LIN7A: variants seen among roughly 807,000 people sequenced by gnomAD.
LIN7A encodes the protein lin-7 cell polarity scaffold A.
Under a neutral mutation model 29.8 loss-of-function variants are expected in LIN7A, and 25 were observed. The ratio of observed to expected loss-of-function variants is 0.84; its 90% CI spans 0.61 to 1.17. The LOEUF (loss-of-function observed/expected upper bound fraction) is 1.17, where lower values mean the gene tolerates loss of function less well. LIN7A is among the 50% of genes most tolerant of loss of function. The pLI, the probability that LIN7A is intolerant of heterozygous loss-of-function variation, is 0.00. For synonymous variants in LIN7A, 118 were observed against 107.5 expected, an observed-to-expected ratio of 1.10 and a Z score of -0.60; for missense variants, 239 against 287.0, an observed-to-expected ratio of 0.83 and a Z score of 1.21.
At chr12:80,914,834 A>G (rs1446461754) in intron 1 of LIN7A, among the ~76,000 whole-genome samples, 1 of 152,154 alleles carries the variant, frequency 6.6e-6, no homozygotes, top group East Asian at 1.9e-4. Context: ...TGAGCCTAGA[A>G]GCTTAAGACC....
intron 1 of LIN7A, among the ~76,000 whole-genome samples, chr12:80,916,761 T>G (rs1421231836): frequency 6.6e-6 from 1 of 152,146 alleles, no homozygotes; most frequent in African/African-American, 2.4e-5. Flanking sequence ...AAAGATTTCA[T>G]GAGGATTTAG....
intron 1 of LIN7A, among the ~76,000 whole-genome samples, chr12:80,902,920 G>T (rs745553831): frequency 8.6e-5 from 13 of 151,630 alleles, no homozygotes; most frequent in Non-Finnish European, 1.3e-4. Flanking sequence ...AGTAAGAGTG[G>T]GTGGTGTTAT....
At chr12:80,888,133 CGTT>C (rs1327525728) in intron 2 of LIN7A, among the ~76,000 whole-genome samples, 1 of 151,996 alleles carries the variant, frequency 6.6e-6, no homozygotes, top group East Asian at 1.9e-4. Flanking sequence ...AACTTAGAGA[CGTT>C]ATTATGGTTA....
In LIN7A at chr12:80,807,082, T is replaced by TTTTTTTTTGTTTTTG. The variant is rs1555221397; in HGVS notation, c.*4382_*4383insCAAAAACAAAAAAAA. ...GATGGAGTTTTTTTTTTTTTTTTTT[T>TTTTTTTTTGTTTTTG]TTTTTTTTTGACGGAGTCTCGCTCT... On this transcript the variant is annotated intron_variant, in intron 5 of 5. Transcript: ENST00000552864. Among the ~76,000 whole-genome samples, 4 of 134,634 alleles carry TTTTTTTTTGTTTTTG rather than the reference T, an allele frequency of 3.0e-5. No individual in the cohort carries two copies. In the South Asian group the frequency reaches 7.1e-4, roughly 24 times the overall value. 88.3% of individuals were successfully genotyped at this position (134,634 alleles called of 152,430 possible).
At chr12:80,827,767 T>A (rs748807535) in intron 4 of LIN7A, among the ~76,000 whole-genome samples, 4 of 152,112 alleles carry the variant, frequency 2.6e-5, no homozygotes, top group Non-Finnish European at 5.9e-5. Context: ...TCCCAAACAG[T>A]ACTTATTCTC....
intron 1 of LIN7A, among the ~76,000 whole-genome samples, chr12:80,918,565 C>A (rs967488290): frequency 6.6e-6 from 1 of 152,112 alleles, no homozygotes; most frequent in East Asian, 1.9e-4. Context: ...CACACCTCTC[C>A]ATTCCAGCTT....
At chr12:80,893,520 C>CT (rs1875733925) in intron 1 of LIN7A, among the ~76,000 whole-genome samples, 1 of 152,144 alleles carries the variant, frequency 6.6e-6, no homozygotes, top group Non-Finnish European at 1.5e-5. Context: ...CTGAGCCAAC[C>CT]CTTTTCTATT....
chr12:80,796,696 G>T lies in LIN7A; in HGVS notation c.*1031C>A, dbSNP rs570390297. The T allele has an allele frequency of 1.6e-4, 25 of 152,096 alleles. 1 individual carries two copies. In the East Asian group the frequency reaches 4.8e-3, roughly 29 times the overall value. The allele number at this position is 152,096 out of a possible 1,614,324, so 9.4% of individuals were successfully genotyped here. A position where few individuals can be genotyped will look rare whatever the true frequency, so the allele number is the denominator to read the frequency against. The stretch of plus-strand genomic sequence containing the variant: ...TAAACTTTGTGTGACACAAATATTT[G>T]AATATATATGCACATATAATTTAGT... On this transcript the variant is annotated 3_prime_UTR_variant, in exon 6 of 6. Coordinates refer to ENST00000552864, the MANE Select transcript of LIN7A (RefSeq NM_004664.4).
At chr12:80,934,305 A>T (rs17007711) in intron 1 of LIN7A, among the ~76,000 whole-genome samples, 29,384 of 152,120 alleles carry the variant, frequency 0.19, 3,115 homozygotes, top group East Asian at 0.34. Flanking sequence ...TAAGTGAAGG[A>T]TATCAAGGAC....
At chr12:80,928,235 G>T (rs530850473) in intron 1 of LIN7A, among the ~76,000 whole-genome samples, 1 of 151,980 alleles carries the variant, frequency 6.6e-6, no homozygotes, top group Non-Finnish European at 1.5e-5. Flanking sequence ...TAATGGGATC[G>T]CTGGGTCAAA....
At chr12:80,829,745 T>G (rs1872256388) in intron 4 of LIN7A, among the ~76,000 whole-genome samples, 1 of 152,098 alleles carries the variant, frequency 6.6e-6, no homozygotes, top group Admixed American at 6.6e-5. Context: ...GTTGATCTTA[T>G]CCCCCTTCCC....
intron 1 of LIN7A, among the ~76,000 whole-genome samples, chr12:80,915,721 A>G (rs990758856): frequency 2.0e-4 from 30 of 152,374 alleles, no homozygotes; most frequent in African/African-American, 7.2e-4. Flanking sequence ...TGTGCTTTGC[A>G]GCAACTGGAT....
intron 1 of LIN7A, among the ~76,000 whole-genome samples, chr12:80,891,690 A>G (rs2120664848): frequency 6.6e-6 from 1 of 152,280 alleles, no homozygotes; most frequent in South Asian, 2.1e-4. Context: ...AGGATTGTCC[A>G]TGGATGTATA....
intron 1 of LIN7A, among the ~76,000 whole-genome samples, chr12:80,931,175 A>T (rs972401946): frequency 6.6e-6 from 1 of 152,160 alleles, no homozygotes; most frequent in Non-Finnish European, 1.5e-5. Context: ...TCCCTGAAAA[A>T]CAACACTCAT....
chr12:80,845,576 T>C, intron 4 of LIN7A, 154 bp downstream of exon 4: 1 of 539,358 alleles, frequency 1.9e-6, no homozygotes. Flanking sequence ...AGATTGCAGC[T>C]TTTATAGGTT....
At chr12:80,881,638 TA>T (rs1875044911) in intron 2 of LIN7A, among the ~76,000 whole-genome samples, 1 of 152,106 alleles carries the variant, frequency 6.6e-6, no homozygotes, top group South Asian at 2.1e-4. Context: ...GTTATATATA[TA>T]TATATATGTA....
rs1430263783 is a variant in LIN7A at position 80,841,362 on chromosome 12, AGG to A, written c.483+4366_483+4367del. Among the ~76,000 whole-genome samples, 4 of 129,366 alleles carry A rather than the reference AGG, an allele frequency of 3.1e-5. No individual in the cohort carries two copies. In the East Asian group the frequency reaches 6.2e-4, roughly 20 times the overall value. The allele number at this position is 129,366 out of a possible 152,430, so 84.9% of individuals were successfully genotyped here. A position where few individuals can be genotyped will look rare whatever the true frequency, so the allele number is the denominator to read the frequency against. On this transcript the variant is annotated intron_variant, in intron 4 of 5. Coordinates refer to ENST00000552864, the MANE Select transcript of LIN7A (RefSeq NM_004664.4). ...AGGGAGGGAAGGAAGGAAGGAAGGA[AGG>A]AAGGAAGGAAGGAAGGAAGGAAGGA...
chr12:80,846,397 T>C (rs1005303415), intron 3 of LIN7A, among the ~76,000 whole-genome samples: 1 of 152,210 alleles, frequency 6.6e-6, no homozygotes, highest in Non-Finnish European at 1.5e-5. Flanking sequence ...TTCATAAGTA[T>C]TTTTTTAATA....
intron 5 of LIN7A, 115 bp from the exon 6 acceptor site, chr12:80,797,841 G>A (rs183009367): frequency 6.6e-6 from 1 of 152,312 alleles, no homozygotes; most frequent in Non-Finnish European, 1.5e-5. Context: ...GATTATTTTG[G>A]GTGCTATCAT....
Sources: allele counts gnomAD v4.1 joint callset (sites outside exome capture counted in the v4.1 genomes callset), GRCh38; gene constraint gnomAD v4.1.1; transcripts MANE v1.5; gene names NCBI Gene and HGNC (gene_info 2026-07-23, HGNC 2026-07-21).